PSMD3: variants seen among roughly 807,000 people sequenced by gnomAD.
PSMD3 encodes 26S proteasome non-ATPase regulatory subunit 3.
A neutral mutation model predicts 62.8 loss-of-function variants in PSMD3; 5 were observed. The ratio of observed to expected loss-of-function variants is 0.08; its 90% confidence interval spans 0.04 to 0.17. The LOEUF is 0.17. Among genes scored for constraint, PSMD3 ranks in the 10% least tolerant of loss-of-function variants. PSMD3 has a pLI of 1.00. For missense variants in PSMD3, 524 were observed against 713.6 expected (o/e 0.73, Z 3.03); for synonymous variants, 265 against 283.9 (o/e 0.93, Z 0.67).
In PSMD3 at chr17:39,995,738, TGTTGA is replaced by T; in HGVS notation, c.1320+215_1320+219del. 1 of 592,524 alleles carries T rather than the reference TGTTGA, an allele frequency of 1.7e-6. No individual in the cohort carries two copies. The highest frequency in any genetic ancestry group is 2.8e-5 in the Admixed American group (1 of 35,734). 36.7% of individuals were successfully genotyped at this position (592,524 alleles called of 1,614,324 possible). On this transcript the variant is annotated intron_variant, in intron 9 of 11. Coordinates refer to ENST00000264639, the MANE Select transcript of PSMD3 (RefSeq NM_002809.4). The surrounding 1 kb of genome is among the most constrained non-coding windows in gnomAD (Gnocchi z 4.1). Reference sequence around the variant, plus strand: ...GTGTGTGAGTGTAGGTGTGTGCACATGTTGAGTTTATGATAGTGCCTGTGAGTGTG... The same window carrying T: ...GTGTGTGAGTGTAGGTGTGTGCACATGTTTATGATAGTGCCTGTGAGTGTG...
intron 3 of PSMD3, among the ~76,000 whole-genome samples, chr17:39,988,395 T>C (rs1488167067): frequency 1.3e-5 from 2 of 152,220 alleles, no homozygotes; most frequent in African/African-American, 4.8e-5. Context: ...ACCCATGTTG[T>C]AGTGTGTGTC....
In PSMD3 at chr17:39,981,100, G is replaced by C. The variant is rs1430477926; in HGVS notation, c.130G>C (p.Gly44Arg). 2.6e-6 allele frequency: 4 copies of C among 1,550,754 alleles called. No homozygotes were observed. Among genetic ancestry groups the C allele is most frequent in the Non-Finnish European group, 3.5e-6 (4 of 1,146,714 alleles). ...GGAGATGAAAGAGGAGGCAGCGACG[G>C]GTGGCGGGTCGACGGGGGAGGCAGA... ...DVEMKEEAAT[G>R]GGSTGEADGK... is the part of the protein sequence containing the mutation. Residue 44 changes from glycine (G) to arginine (R), a missense_variant, in exon 1 of 12, where the codon GGT (glycine) becomes CGT (arginine). This residue lies in a region of PSMD3 where 396 missense variants were observed against 475.8 expected (regional missense o/e 0.83). Coordinates refer to ENST00000264639, the MANE Select transcript of PSMD3 (RefSeq NM_002809.4).
intron 6 of PSMD3, 71 bp downstream of exon 6, chr17:39,990,268 A>C: frequency 3.1e-6 from 4 of 1,301,404 alleles, no homozygotes; most frequent in Admixed American, 2.4e-5. Flanking sequence ...TTGCTATGTT[A>C]CCTGGGCTGG....
At position 39,986,725 on chromosome 17, in the gene PSMD3, C is replaced by T. The variant is rs3859188; in HGVS notation, c.549+13C>T. 259,090 of 1,613,286 alleles carry T rather than the reference C, an allele frequency of 0.16. 24,007 individuals are homozygous for T. The highest frequency in any genetic ancestry group is 0.36 in the African/African-American group (26,981 of 74,920). On this transcript the variant is annotated intron_variant, in intron 3 of 11. Transcript: ENST00000264639. Reference sequence around the variant, plus strand: ...GCGCTACAAAGAGGTATCCAGGATGCAGTGAGAGCGATTCATAAGCCCCAA... The same window carrying T: ...GCGCTACAAAGAGGTATCCAGGATGTAGTGAGAGCGATTCATAAGCCCCAA...
In PSMD3 at chr17:39,996,131, A is replaced by AG. The variant is rs776340795; in HGVS notation, c.1321-52_1321-51insG. ...GCGAGACTCCATCTCAAAAAAAAAA[A>AG]AAAAGAAGAAGCTGGGTGTGCTGGT... On this transcript the variant is annotated intron_variant, in intron 9 of 11. Transcript: ENST00000264639. This position sits in a 1 kb window ranked among gnomAD's most constrained non-coding sequence, Gnocchi z 5.1. 1 of 1,606,874 alleles carries AG rather than the reference A, an allele frequency of 6.2e-7. No homozygotes were observed. Among genetic ancestry groups the AG allele is most frequent in the East Asian group, 2.2e-5 (1 of 44,790 alleles).
At position 39,996,642 on chromosome 17, in the gene PSMD3, T is replaced by G; in HGVS notation, c.1476+304T>G. ...TTTGAGGCATTTAACTTCTCAAAGC[T>G]CTGTTTCTCCATCTCTGAAGCTGAT... On this transcript the variant is annotated intron_variant, in intron 10 of 11. Transcript: ENST00000264639. The surrounding 1 kb of genome is among the most constrained non-coding windows in gnomAD (Gnocchi z 5.1). 1.8e-6 allele frequency: 1 copy of G among 557,016 alleles called. No homozygotes were observed. The highest frequency in any genetic ancestry group is 2.2e-5 in the Admixed American group (1 of 45,454). The allele number at this position is 557,016 out of a possible 1,614,324, so 34.5% of individuals were successfully genotyped here.
At chr17:39,984,643 A>C (rs1051582764) in intron 2 of PSMD3, among the ~76,000 whole-genome samples, 159 bp downstream of exon 2, 6 of 152,180 alleles carry the variant, frequency 3.9e-5, no homozygotes, top group African/African-American at 1.4e-4. Flanking sequence ...GTGACAAGGG[A>C]ACCGTCCACT....
chr17:39,984,327 C>T lies in PSMD3; in HGVS notation c.254C>T (p.Ala85Val). ...GAGCACGTGAAACAGCTAGAGAAAGCGGTTTCAGGCAAGGAGCCGAGATTC... is the reference window on the plus strand; with the variant it reads ...GAGCACGTGAAACAGCTAGAGAAAGTGGTTTCAGGCAAGGAGCCGAGATTC... Reference protein sequence around the residue: ...IKEHVKQLEKAVSGKEPRFVL... With the variant: ...IKEHVKQLEKVVSGKEPRFVL... The change falls in exon 2 of 12, where the codon GCG (alanine) becomes GTG (valine). Residue 85 changes from alanine to valine, a missense_variant. Physicochemically the swap from Ala to Val is moderately conservative, Grantham distance 64. This residue lies in a region of PSMD3 where 396 missense variants were observed against 475.8 expected (regional missense o/e 0.83). Transcript: ENST00000264639. 1.9e-6 allele frequency: 3 copies of T among 1,613,260 alleles called. No individual in the cohort carries two copies. Among genetic ancestry groups the T allele is most frequent in the Non-Finnish European group, 1.7e-6 (2 of 1,179,860 alleles).
At chr17:39,990,228 T>A in intron 6 of PSMD3, 31 bp downstream of exon 6, 620 of 1,095,740 alleles carry the variant, frequency 5.7e-4, no homozygotes, top group Non-Finnish European at 7.3e-4. Context: ...TCCCTTTGCC[T>A]CTTTTTTTTT....
chr17:39,986,175 A>G (rs1471481149), intron 2 of PSMD3, among the ~76,000 whole-genome samples: 3 of 152,166 alleles, frequency 2.0e-5, no homozygotes, highest in African/African-American at 7.2e-5. Context: ...GGCCCAGTGC[A>G]GGCTCAGACT....
Position 39,995,892 on chromosome 17 carries a change from G to A in PSMD3, c.1321-291G>A, listed in dbSNP as rs567908574. On this transcript the variant is annotated intron_variant, in intron 9 of 11. Coordinates refer to ENST00000264639, the MANE Select transcript of PSMD3 (RefSeq NM_002809.4). The surrounding 1 kb of genome is among the most constrained non-coding windows in gnomAD (Gnocchi z 4.1). ...CCAGCACTTTGGGAGGCTGACATGG[G>A]CAGATCACCTGAGGTCAGGAGTTTG... 5 of 479,846 alleles carry A rather than the reference G, an allele frequency of 1.0e-5. No individual in the cohort carries two copies. Among genetic ancestry groups the A allele is most frequent in the South Asian group, 1.0e-4 (5 of 48,074 alleles). The allele number at this position is 479,846 out of a possible 1,614,324, so 29.7% of individuals were successfully genotyped here. A position where few individuals can be genotyped will look rare whatever the true frequency, so the allele number is the denominator to read the frequency against.
At position 39,997,353 on chromosome 17, in the gene PSMD3, G is replaced by GTAC. The variant is rs1980809318; in HGVS notation, c.1501_1503dup (p.Tyr501dup). 5 of 1,614,004 alleles carry GTAC rather than the reference G, an allele frequency of 3.1e-6. No homozygotes were observed. The highest frequency in any genetic ancestry group is 4.2e-6 in the Non-Finnish European group (5 of 1,180,040). On this transcript the variant is annotated inframe_insertion, in exon 11 of 12. Coordinates refer to ENST00000264639, the MANE Select transcript of PSMD3 (RefSeq NM_002809.4). ...AGGCCATGAGGTTTCCTCCCAAATC[G>GTAC]TACAACAAGGACTTGGAGTCTGCAG... is the stretch of plus-strand genomic sequence containing the variant.
At chr17:39,986,435 T>G in intron 2 of PSMD3, 140 bp from the exon 3 acceptor site, 1 of 1,071,260 alleles carries the variant, frequency 9.3e-7, no homozygotes. Flanking sequence ...ATCTTTATTT[T>G]TTTATCCCTA....
At chr17:39,985,238 CA>C (rs1336419665) in intron 2 of PSMD3, among the ~76,000 whole-genome samples, 4 of 151,802 alleles carry the variant, frequency 2.6e-5, no homozygotes, top group African/African-American at 7.3e-5. Context: ...CAAAACAAAA[CA>C]AAAAAAACCC....
chr17:39,996,109 A>G lies in PSMD3; in HGVS notation c.1321-74A>G, dbSNP rs1980776576. 2 of 1,561,280 alleles carry G rather than the reference A, an allele frequency of 1.3e-6. No homozygotes were observed. Among genetic ancestry groups the G allele is most frequent in the African/African-American group, 1.4e-5 (1 of 71,282 alleles). On this transcript the variant is annotated intron_variant, in intron 9 of 11. Coordinates refer to ENST00000264639, the MANE Select transcript of PSMD3 (RefSeq NM_002809.4). This position sits in a 1 kb window ranked among gnomAD's most constrained non-coding sequence, Gnocchi z 5.1. ...ACTCTCCTGCCTGGGTGACAGAGCG[A>G]GACTCCATCTCAAAAAAAAAAAAAA...
At chr17:39,982,742 G>C (rs11655264) in intron 1 of PSMD3, among the ~76,000 whole-genome samples, 77,952 of 152,058 alleles carry the variant, frequency 0.51, 20,400 homozygotes, top group Middle Eastern at 0.67. Flanking sequence ...GTGCTAATCG[G>C]TGAATATACA....
intron 1 of PSMD3, among the ~76,000 whole-genome samples, chr17:39,982,851 A>G (rs574638826): frequency 1.3e-5 from 2 of 152,372 alleles, no homozygotes; most frequent in African/African-American, 4.8e-5. Flanking sequence ...TGAAGCAATC[A>G]TCTTTGTGCC....
At position 39,996,830 on chromosome 17, in the gene PSMD3, G is replaced by A. The variant is rs907989010; in HGVS notation, c.1476+492G>A. The A allele has an allele frequency of 1.3e-5, 6 of 454,398 alleles. No individual in the cohort carries two copies. The highest frequency in any genetic ancestry group is 3.1e-5 in the South Asian group (2 of 63,738). The allele number at this position is 454,398 out of a possible 1,614,324, so 28.1% of individuals were successfully genotyped here. ...TCCTCAGTTAAGCACTGAGTTTGGC[G>A]CTGTTACTATTTGCTTGCCATGTTT... is the stretch of plus-strand genomic sequence containing the variant. On this transcript the variant is annotated intron_variant, in intron 10 of 11. Coordinates refer to ENST00000264639, the MANE Select transcript of PSMD3 (RefSeq NM_002809.4). This position sits in a 1 kb window ranked among gnomAD's most constrained non-coding sequence, Gnocchi z 5.1.
At chr17:39,982,222 C>T (rs2144806223) in intron 1 of PSMD3, among the ~76,000 whole-genome samples, 1 of 152,298 alleles carries the variant, frequency 6.6e-6, no homozygotes, top group Non-Finnish European at 1.5e-5. Context: ...TAATAGAGAT[C>T]CTTTTACCTA....
Sources: allele counts gnomAD v4.1 joint callset (sites outside exome capture counted in the v4.1 genomes callset), GRCh38; gene constraint gnomAD v4.1.1; regional missense constraint gnomAD v4.1.1; non-coding constraint Gnocchi (gnomAD v3.1); transcripts MANE v1.5; gene names NCBI Gene and HGNC (gene_info 2026-07-23, HGNC 2026-07-21).